Variants in KIRREL3 observed in about 807,000 individuals in gnomAD.
The protein encoded by KIRREL3 is kirre like nephrin family adhesion molecule 3, also known as kin of IRRE-like protein 3.
KIRREL3 carries 36 observed loss-of-function variants against 89.7 expected under a neutral mutation model. That is an observed-to-expected ratio of 0.40 (90% CI 0.31 to 0.53). The LOEUF (loss-of-function observed/expected upper bound fraction) is 0.53. KIRREL3 is among the 20% of genes least tolerant of loss of function. The pLI is 0.49. For synonymous variants in KIRREL3, 445 were observed against 441.4 expected (o/e 1.01, Z -0.10); for missense variants, 864 against 1,056.6 (o/e 0.82, Z 2.53).
At chr11:126,819,786 A>G (rs1182210927) in intron 1 of KIRREL3, among the ~76,000 whole-genome samples, 1 of 152,178 alleles carries the variant, frequency 6.6e-6, no homozygotes, top group Non-Finnish European at 1.5e-5. Context: ...CTCACTACCA[A>G]TAACTAACAA....
intron 11 of KIRREL3, among the ~76,000 whole-genome samples, chr11:126,439,344 GA>G (rs928576354): frequency 1.3e-5 from 2 of 150,252 alleles, no homozygotes; most frequent in Non-Finnish European, 3.0e-5. Flanking sequence ...AAGAAAGAGG[GA>G]AAAAAAGACT....
rs1951266146 is a variant in KIRREL3 at position 126,808,187 on chromosome 11, T to A, written c.55+192268A>T. Among the ~76,000 whole-genome samples, 1 of 152,178 alleles carries A rather than the reference T, an allele frequency of 6.6e-6. No homozygotes were observed. Among genetic ancestry groups the A allele is most frequent in the South Asian group, 2.1e-4 (1 of 4,818 alleles). On this transcript the variant is annotated intron_variant, in intron 1 of 16. Coordinates refer to ENST00000525144, the MANE Select transcript of KIRREL3 (RefSeq NM_032531.4). This position sits in a 1 kb window ranked among gnomAD's most constrained non-coding sequence, Gnocchi z 4.1. ...GAGAATAGGGCCCTCATCTTGAGGC[T>A]GGGAGCATAAAGGAAAGAGGGATCC...
Position 126,561,412 on chromosome 11 carries a change from C to T in KIRREL3, c.133+1423G>A, listed in dbSNP as rs1246308144. On this transcript the variant is annotated intron_variant, in intron 2 of 16. Transcript: ENST00000525144. The surrounding 1 kb of genome is among the most constrained non-coding windows in gnomAD (Gnocchi z 4.5). ...CCAGCTCCTGACTTTTTGGCTTCCCCAATCCCTACAAACCTCTTTCGAGCT... is the reference window on the plus strand; with the variant it reads ...CCAGCTCCTGACTTTTTGGCTTCCCTAATCCCTACAAACCTCTTTCGAGCT... Among the ~76,000 whole-genome samples, 1 of 152,222 alleles carries T rather than the reference C, an allele frequency of 6.6e-6. No individual in the cohort carries two copies. The highest frequency in any genetic ancestry group is 2.4e-5 in the African/African-American group (1 of 41,462).
rs2135149250 is a variant in KIRREL3, at chr11:126,696,251, T to G, written c.56-133339A>C. ...CAGCCTGGGCCACTGAGCGAGACTC[T>G]ATCTCAATTAAAAAAAAAAAAAAAA... On this transcript the variant is annotated intron_variant, in intron 1 of 16. Transcript: ENST00000525144. This position sits in a 1 kb window ranked among gnomAD's most constrained non-coding sequence, Gnocchi z 4.4. 6.7e-6 allele frequency among the ~76,000 whole-genome samples: 1 copy of G among 150,194 alleles called. No homozygotes were observed. The highest frequency in any genetic ancestry group is 2.1e-4 in the South Asian group (1 of 4,688).
At position 126,440,440 on chromosome 11, in the gene KIRREL3, A is replaced by C; in HGVS notation, c.1353+9T>G. 6.4e-7 allele frequency: 1 copy of C among 1,563,042 alleles called. No homozygotes were observed. Among genetic ancestry groups the C allele is most frequent in the Non-Finnish European group, 8.7e-7 (1 of 1,154,784 alleles). On this transcript the variant is annotated intron_variant, in intron 11 of 16. Coordinates refer to ENST00000525144, the MANE Select transcript of KIRREL3 (RefSeq NM_032531.4). ...CCCGGCCCCCGCCCGCCGTCCCTGG[A>C]GCACTCACGATGCGGTCCGGCGGCG...
chr11:126,913,864 T>C (rs1946928961), intron 1 of KIRREL3, among the ~76,000 whole-genome samples: 1 of 152,218 alleles, frequency 6.6e-6, no homozygotes, highest in Admixed American at 6.5e-5. Context: ...GGGGTCTGTG[T>C]GGCTGACACC....
intron 1 of KIRREL3, among the ~76,000 whole-genome samples, chr11:126,674,183 G>GT (rs540662533): frequency 2.9e-4 from 44 of 152,282 alleles, no homozygotes; most frequent in Middle Eastern, 6.8e-3. Context: ...TCTCATGAAT[G>GT]TTTTGGGAAT....
At position 126,609,891 on chromosome 11, in the gene KIRREL3, C is replaced by T. The variant is rs1199310990; in HGVS notation, c.56-46979G>A. Among the ~76,000 whole-genome samples the T allele has an allele frequency of 6.6e-6, 1 of 152,142 alleles. No homozygotes were observed. Among genetic ancestry groups the T allele is most frequent in the East Asian group, 1.9e-4 (1 of 5,190 alleles). On this transcript the variant is annotated intron_variant, in intron 1 of 16. Transcript: ENST00000525144. This position sits in a 1 kb window ranked among gnomAD's most constrained non-coding sequence, Gnocchi z 5.0. ...CTAACATTAATAGAACCTGATGATGCGATAGGCACCGAGATAAGAATTTTA... is the reference window on the plus strand; with the variant it reads ...CTAACATTAATAGAACCTGATGATGTGATAGGCACCGAGATAAGAATTTTA...
intron 1 of KIRREL3, among the ~76,000 whole-genome samples, chr11:126,617,128 A>G (rs1450445767): frequency 6.6e-6 from 1 of 152,230 alleles, no homozygotes; most frequent in Non-Finnish European, 1.5e-5. Flanking sequence ...GGGAATGGCC[A>G]CAGATTCTAG....
rs2134705773 is a variant in KIRREL3 at position 126,879,630 on chromosome 11, G to A, written c.55+120825C>T. Among the ~76,000 whole-genome samples the A allele has an allele frequency of 6.6e-6, 1 of 152,252 alleles. No homozygotes were observed. The highest frequency in any genetic ancestry group is 1.9e-4 in the East Asian group (1 of 5,184). On this transcript the variant is annotated intron_variant, in intron 1 of 16. Transcript: ENST00000525144. This position sits in a 1 kb window ranked among gnomAD's most constrained non-coding sequence, Gnocchi z 5.4. ...TTTCTCCCATTTCTCTCACCTCCAA[G>A]CCACTTTCCATGTAGCCATGAGGCC...
Position 126,747,902 on chromosome 11 carries a change from C to T in KIRREL3, c.56-184990G>A, listed in dbSNP as rs923515926. Among the ~76,000 whole-genome samples the T allele has an allele frequency of 2.6e-5, 4 of 152,076 alleles. No homozygotes were observed. The highest frequency in any genetic ancestry group is 5.9e-5 in the Non-Finnish European group (4 of 68,020). The stretch of plus-strand genomic sequence containing the variant: ...ACTGGAAGACTCCCCTCCAGACAGG[C>T]GTTGCGGTCTTTCCCTATCCCACAG... On this transcript the variant is annotated intron_variant, in intron 1 of 16. Coordinates refer to ENST00000525144, the MANE Select transcript of KIRREL3 (RefSeq NM_032531.4). The surrounding 1 kb of genome is among the most constrained non-coding windows in gnomAD (Gnocchi z 4.7).
rs990186762 is a variant in KIRREL3, at chr11:126,906,487, C to T, written c.55+93968G>A. Reference sequence around the variant, plus strand: ...CTACCAGATGGCAAGAACCTTGAACCTTATTTGATTGCTGCCTCTGCCCAG... The same window carrying T: ...CTACCAGATGGCAAGAACCTTGAACTTTATTTGATTGCTGCCTCTGCCCAG... On this transcript the variant is annotated intron_variant, in intron 1 of 16. Coordinates refer to ENST00000525144, the MANE Select transcript of KIRREL3 (RefSeq NM_032531.4). The surrounding 1 kb of genome is among the most constrained non-coding windows in gnomAD (Gnocchi z 4.1). Among the ~76,000 whole-genome samples, 12 of 152,134 alleles carry T rather than the reference C, an allele frequency of 7.9e-5. No individual in the cohort carries two copies. The highest frequency in any genetic ancestry group is 1.9e-4 in the East Asian group (1 of 5,196).
intron 1 of KIRREL3, among the ~76,000 whole-genome samples, chr11:126,770,058 T>C (rs1949970326): frequency 6.6e-6 from 1 of 152,026 alleles, no homozygotes; most frequent in South Asian, 2.1e-4. Context: ...AAGCCTCTTT[T>C]CTCCCGCAAT....
At chr11:126,859,204 C>G (rs1158332699) in intron 1 of KIRREL3, among the ~76,000 whole-genome samples, 1 of 152,112 alleles carries the variant, frequency 6.6e-6, no homozygotes, top group Non-Finnish European at 1.5e-5. Context: ...GAGAGGAACA[C>G]AGGCTATCTG....
At position 126,689,574 on chromosome 11, in the gene KIRREL3, T is replaced by A. The variant is rs1946803297; in HGVS notation, c.56-126662A>T. The stretch of plus-strand genomic sequence containing the variant: ...TCTACCTTACCTTGACACTCCCAAG[T>A]GTAGACATGCCTGATTATTCTATCC... On this transcript the variant is annotated intron_variant, in intron 1 of 16. Coordinates refer to ENST00000525144, the MANE Select transcript of KIRREL3 (RefSeq NM_032531.4). The surrounding 1 kb of genome is among the most constrained non-coding windows in gnomAD (Gnocchi z 5.2). Among the ~76,000 whole-genome samples the A allele has an allele frequency of 6.6e-6, 1 of 152,194 alleles. No individual in the cohort carries two copies. The highest frequency in any genetic ancestry group is 1.5e-5 in the Non-Finnish European group (1 of 68,026).
chr11:126,794,995 G>A (rs1265768563), intron 1 of KIRREL3, among the ~76,000 whole-genome samples: 1 of 152,196 alleles, frequency 6.6e-6, no homozygotes, highest in Non-Finnish European at 1.5e-5. Flanking sequence ...AGTCTGAAAA[G>A]GCTAAATACT....
chr11:126,905,175 C>A lies in KIRREL3; in HGVS notation c.55+95280G>T, dbSNP rs140076891. Among the ~76,000 whole-genome samples the A allele has an allele frequency of 4.6e-5, 7 of 152,250 alleles. No individual in the cohort carries two copies. In the East Asian group the frequency reaches 1.4e-3, roughly 29 times the overall value. The stretch of plus-strand genomic sequence containing the variant: ...GCAGAGGAGGAACGGGGCTTGATTC[C>A]ATGGCTTCCCTACTTGAAGGCAGGG... On this transcript the variant is annotated intron_variant, in intron 1 of 16. Transcript: ENST00000525144. This position sits in a 1 kb window ranked among gnomAD's most constrained non-coding sequence, Gnocchi z 5.0.
rs1357182459 is a variant in KIRREL3 at position 126,528,050 on chromosome 11, C to G, written c.134-1363G>C. ...CACTTTACAACAAAGAAACCAGGAT[C>G]AGAGAGGCACAGTAACCTGCCCAAG... is the stretch of plus-strand genomic sequence containing the variant. On this transcript the variant is annotated intron_variant, in intron 2 of 16. Coordinates refer to ENST00000525144, the MANE Select transcript of KIRREL3 (RefSeq NM_032531.4). This position sits in a 1 kb window ranked among gnomAD's most constrained non-coding sequence, Gnocchi z 4.6. Among the ~76,000 whole-genome samples the G allele has an allele frequency of 1.3e-5, 2 of 152,204 alleles. No homozygotes were observed. Among genetic ancestry groups the G allele is most frequent in the East Asian group, 3.8e-4 (2 of 5,198 alleles).
At chr11:126,794,997 C>T (rs1054520933) in intron 1 of KIRREL3, among the ~76,000 whole-genome samples, 1 of 152,134 alleles carries the variant, frequency 6.6e-6, no homozygotes, top group Non-Finnish European at 1.5e-5. Context: ...TCTGAAAAGG[C>T]TAAATACTGT....
Sources: gnomAD v4.1 joint callset for allele counts (sites outside exome capture counted in the v4.1 genomes callset) on GRCh38, gnomAD v4.1.1 for gene constraint, Gnocchi (gnomAD v3.1) non-coding constraint, MANE v1.5 for transcripts, NCBI Gene and HGNC (gene_info 2026-07-23, HGNC 2026-07-21) for gene names.